Variants in MBNL1 observed in about 807,000 individuals in gnomAD.
The protein encoded by MBNL1 is muscleblind-like protein 1.
Under a neutral mutation model 42.2 loss-of-function variants are expected in MBNL1, and 8 were observed. The observed-to-expected ratio is 0.19, with a 90% CI of 0.11 to 0.34. The LOEUF (loss-of-function observed/expected upper bound fraction) is 0.34. MBNL1 is among the 10% of genes least tolerant of loss of function. MBNL1 has a pLI of 1.00. For synonymous variants in MBNL1, 169 were observed against 173.9 expected (o/e 0.97, Z 0.22); for missense variants, 309 against 495.3 (o/e 0.62, Z 3.57).
chr3:152,347,988 A>C (rs2094494622), intron 2 of MBNL1, among the ~76,000 whole-genome samples: 1 of 152,138 alleles, frequency 6.6e-6, no homozygotes, highest in Admixed American at 6.6e-5. Context: ...TGGTAGTATA[A>C]ATTTTAATCT....
intron 2 of MBNL1, among the ~76,000 whole-genome samples, chr3:152,385,655 G>A (rs2097381429): frequency 6.6e-6 from 1 of 151,918 alleles, no homozygotes; most frequent in African/African-American, 2.4e-5. Flanking sequence ...AATAAATCAA[G>A]ACACATGCTA....
At chr3:152,341,389 A>G (rs2093168094) in intron 2 of MBNL1, among the ~76,000 whole-genome samples, 1 of 152,380 alleles carries the variant, frequency 6.6e-6, no homozygotes, top group Non-Finnish European at 1.5e-5. Context: ...TTTAAAAAAT[A>G]GTTTAAGTAC....
At chr3:152,383,842 A>G (rs148820713) in intron 2 of MBNL1, among the ~76,000 whole-genome samples, 81 of 152,198 alleles carry the variant, frequency 5.3e-4, no homozygotes, top group African/African-American at 1.5e-3. Context: ...TGATGAAGAG[A>G]AATTAATTTC....
chr3:152,347,263 C>G (rs2094406969), intron 2 of MBNL1, among the ~76,000 whole-genome samples: 1 of 151,646 alleles, frequency 6.6e-6, no homozygotes. Flanking sequence ...GATTTGTGTT[C>G]ATTAGAGAAC....
chr3:152,310,732 T>C (rs1367843710), intron 2 of MBNL1, among the ~76,000 whole-genome samples: 1 of 151,960 alleles, frequency 6.6e-6, no homozygotes, highest in Non-Finnish European at 1.5e-5. Context: ...ATTCTAACAA[T>C]ACAGAGTCTG....
At chr3:152,335,455 C>A (rs779777118) in intron 2 of MBNL1, among the ~76,000 whole-genome samples, 1 of 152,164 alleles carries the variant, frequency 6.6e-6, no homozygotes, top group Non-Finnish European at 1.5e-5. Flanking sequence ...ACTTGAAATA[C>A]TAATATTGAA....
intron 2 of MBNL1, among the ~76,000 whole-genome samples, chr3:152,309,736 C>T (rs1303850519): frequency 6.6e-6 from 1 of 152,178 alleles, no homozygotes; most frequent in African/African-American, 2.4e-5. Context: ...TTCCATATTA[C>T]TGCATTCAGA....
intron 3 of MBNL1, among the ~76,000 whole-genome samples, 196 bp downstream of exon 3, chr3:152,415,307 A>G (rs1378219605): frequency 6.6e-6 from 1 of 152,218 alleles, no homozygotes; most frequent in African/African-American, 2.4e-5. Context: ...TTCTGGCTAA[A>G]TCATGTGGAC....
Position 152,316,108 on chromosome 3 carries a change from C to T in MBNL1, c.174+15741C>T, listed in dbSNP as rs532972531. ...ATAAATTGAAGAAGTACCACTCTCT[C>T]CCTGTATTAATACCTTTCAGGGCTT... On this transcript the variant is annotated intron_variant, in intron 2 of 9. Transcript: ENST00000324210. Among the ~76,000 whole-genome samples, 40 of 152,286 alleles carry T rather than the reference C, an allele frequency of 2.6e-4. 1 individual carries two copies. Among genetic ancestry groups the T allele is most frequent in the African/African-American group, 8.7e-4 (36 of 41,560 alleles).
intron 3 of MBNL1, among the ~76,000 whole-genome samples, chr3:152,418,838 T>A (rs1164460890): frequency 6.7e-6 from 1 of 150,002 alleles, no homozygotes; most frequent in Admixed American, 6.7e-5. Flanking sequence ...TGCCTCAGCC[T>A]CCTGAGTACC....
chr3:152,264,104 T>C (rs1009142411), upstream of MBNL1: 6 of 152,272 alleles, frequency 3.9e-5, no homozygotes, highest in African/African-American at 1.2e-4. Flanking sequence ...ATAGCGCTTA[T>C]CTCCATCTGA....
At chr3:152,387,148 T>G (rs576985986) in intron 2 of MBNL1, among the ~76,000 whole-genome samples, 61 of 152,088 alleles carry the variant, frequency 4.0e-4, no homozygotes, top group South Asian at 8.3e-4. Context: ...GGAAGATCTA[T>G]CTTACAGCCA....
chr3:152,427,023 CCA>C (rs2153723231), intron 3 of MBNL1, among the ~76,000 whole-genome samples: 1 of 152,302 alleles, frequency 6.6e-6, no homozygotes, highest in South Asian at 2.1e-4. Flanking sequence ...TCCACTTTAT[CCA>C]GGTAATGGTT....
intron 2 of MBNL1, among the ~76,000 whole-genome samples, chr3:152,409,429 G>C (rs2098514678): frequency 1.3e-5 from 2 of 150,930 alleles, no homozygotes; most frequent in African/African-American, 4.9e-5. Context: ...ACTATTTTTG[G>C]CAAAAATTTT....
In MBNL1 at chr3:152,348,722, G is replaced by T. The variant is rs1253403881; in HGVS notation, c.174+48355G>T. 3.3e-5 allele frequency among the ~76,000 whole-genome samples: 5 copies of T among 152,052 alleles called. No individual in the cohort carries two copies. In the East Asian group the frequency reaches 9.6e-4, roughly 29 times the overall value. On this transcript the variant is annotated intron_variant, in intron 2 of 9. Transcript: ENST00000324210. ...TTAAGAAAATTATAGCGGTTTAGAA[G>T]AATTTAGTGTGTTTTCTAGCCCCAT...
chr3:152,300,135 T>G lies in MBNL1; in HGVS notation c.-59T>G. 1.7e-6 allele frequency: 2 copies of G among 1,178,546 alleles called. No individual in the cohort carries two copies. Among genetic ancestry groups the G allele is most frequent in the Non-Finnish European group, 2.4e-6 (2 of 846,834 alleles). 73.0% of individuals were successfully genotyped at this position (1,178,546 alleles called of 1,614,324 possible). A position where few individuals can be genotyped will look rare whatever the true frequency, so the allele number is the denominator to read the frequency against. On this transcript the variant is annotated 5_prime_UTR_variant, in exon 2 of 10. Coordinates refer to ENST00000324210, the MANE Select transcript of MBNL1 (RefSeq NM_021038.5). ...TTTTTTTTTTGGTTGTTGCTCTTTT[T>G]TGGGGGGGTTGGGTTTGTTGGTTTC...
intron 7 of MBNL1, among the ~76,000 whole-genome samples, chr3:152,455,841 A>G (rs897960182): frequency 6.6e-6 from 1 of 152,238 alleles, no homozygotes; most frequent in Non-Finnish European, 1.5e-5. Flanking sequence ...CTATTTCATA[A>G]AAGTAATATA....
At chr3:152,445,565 T>C in intron 5 of MBNL1, 26 bp downstream of exon 5, 2 of 1,576,216 alleles carry the variant, frequency 1.3e-6, no homozygotes, top group Non-Finnish European at 1.7e-6. Flanking sequence ...AGCTCTCTCC[T>C]TGTTAGCAGT....
chr3:152,294,877 A>G (rs917992873), intron 1 of MBNL1, among the ~76,000 whole-genome samples: 2 of 152,238 alleles, frequency 1.3e-5, no homozygotes, highest in African/African-American at 4.8e-5. Context: ...ATCTTAATTT[A>G]CCAAAAGAGA....
Sources: allele counts gnomAD v4.1 joint callset (sites outside exome capture counted in the v4.1 genomes callset), GRCh38; gene constraint gnomAD v4.1.1; transcripts MANE v1.5; gene names NCBI Gene and HGNC (gene_info 2026-07-23, HGNC 2026-07-21).